NAV2: variants seen among roughly 807,000 people sequenced by gnomAD.
The protein encoded by NAV2 is helicase, APC down-regulated 1.
A neutral mutation model predicts 223.2 loss-of-function variants in NAV2; 54 were observed. That is an observed-to-expected ratio of 0.24 (90% CI 0.19 to 0.30). The LOEUF is 0.30. Among genes scored for constraint, NAV2 ranks in the 10% least tolerant of loss-of-function variants. The pLI is 1.00. For missense variants in NAV2, 2,806 were observed against 3,147.5 expected, an observed-to-expected ratio of 0.89 and a Z score of 2.60; for synonymous variants, 1,279 against 1,239.3, an observed-to-expected ratio of 1.03 and a Z score of -0.67.
intron 4 of NAV2, among the ~76,000 whole-genome samples, chr11:19,869,759 T>C (rs570091306): frequency 5.3e-4 from 81 of 152,328 alleles, no homozygotes; most frequent in African/African-American, 1.9e-3. Flanking sequence ...CTTCAGATGA[T>C]AGCACCTTTC....
intron 11 of NAV2, chr11:20,022,569 G>A (rs1867119): frequency 0.07 from 69,018 of 984,446 alleles, 2,670 homozygotes; most frequent in African/African-American, 0.11. Context: ...CTTTTCAATC[G>A]AATGCTTTGC....
At position 19,918,029 on chromosome 11, in the gene NAV2, C is replaced by T. The variant is rs987243663; in HGVS notation, c.932-15147C>T. ...TCTACCTTCTCCAGCTTTTTGATAT[C>T]AGGCCAATGACTCAACCTCTCTGAG... On this transcript the variant is annotated intron_variant, in intron 6 of 37. Transcript: ENST00000349880. Among the ~76,000 whole-genome samples the T allele has an allele frequency of 2.6e-5, 4 of 152,324 alleles. 1 individual carries two copies. In the South Asian group the frequency reaches 8.3e-4, roughly 32 times the overall value.
chr11:19,713,630 C>T lies in NAV2; in HGVS notation c.-66C>T. ...GGCGCCTGCTCTGCTACCCGCGCTG[C>T]CTTTAGCGGTCGCCCCCGCCGCCGC... On this transcript the variant is annotated 5_prime_UTR_variant, in exon 1 of 38. Coordinates refer to ENST00000349880, the MANE Select transcript of NAV2 (RefSeq NM_145117.5). This position sits in a 1 kb window ranked among gnomAD's most constrained non-coding sequence, Gnocchi z 7.2. The T allele has an allele frequency of 6.7e-7, 1 of 1,492,234 alleles. No homozygotes were observed. 92.4% of individuals were successfully genotyped at this position (1,492,234 alleles called of 1,614,324 possible). A position where few individuals can be genotyped will look rare whatever the true frequency, so the allele number is the denominator to read the frequency against.
intron 1 of NAV2, among the ~76,000 whole-genome samples, chr11:19,606,932 TTAACA>T (rs2046488153): frequency 6.6e-6 from 1 of 152,210 alleles, no homozygotes; most frequent in Admixed American, 6.5e-5. Context: ...AATCTGCATT[TTAACA>T]GGATCTCCAA....
intron 11 of NAV2, among the ~76,000 whole-genome samples, chr11:20,028,736 A>G (rs1476583918): frequency 6.6e-6 from 1 of 152,170 alleles, no homozygotes; most frequent in East Asian, 1.9e-4. Context: ...TAATATAAAT[A>G]ATGTGCCTAC....
At chr11:19,578,331 G>A (rs748111216) in intron 1 of NAV2, among the ~76,000 whole-genome samples, 4 of 152,252 alleles carry the variant, frequency 2.6e-5, no homozygotes, top group Non-Finnish European at 5.9e-5. Context: ...ATGAGCCAGT[G>A]ATTTGCTAGT....
chr11:19,698,275 T>A (rs1405413767), intron 1 of NAV2, among the ~76,000 whole-genome samples: 2 of 152,184 alleles, frequency 1.3e-5, no homozygotes, highest in Non-Finnish European at 2.9e-5. Flanking sequence ...CTTTGCAGCT[T>A]TGTTTTAAGC....
chr11:19,397,111 T>A (rs971801865), intron 1 of NAV2, among the ~76,000 whole-genome samples: 26 of 152,136 alleles, frequency 1.7e-4, no homozygotes, highest in African/African-American at 6.0e-4. Flanking sequence ...GTGGTTGGCA[T>A]GGCCGGGAGA....
chr11:19,985,670 G>A lies in NAV2; in HGVS notation c.2768+1423G>A, dbSNP rs568249850. On this transcript the variant is annotated intron_variant, in intron 11 of 37. Transcript: ENST00000349880. The stretch of plus-strand genomic sequence containing the variant: ...TGGCTTACTGCAACCTCCATCTCCC[G>A]GGTTCAAGCAATTCTCCTGCCTCAG... Among the ~76,000 whole-genome samples, 18 of 152,088 alleles carry A rather than the reference G, an allele frequency of 1.2e-4. 1 individual carries two copies. In the South Asian group the frequency reaches 2.1e-3, roughly 18 times the overall value.
intron 1 of NAV2, among the ~76,000 whole-genome samples, chr11:19,371,019 C>A (rs563332658): frequency 6.6e-6 from 1 of 152,292 alleles, no homozygotes; most frequent in South Asian, 2.1e-4. Context: ...ATTTTTCAGA[C>A]AGAGAAGCTA....
chr11:20,069,697 G>A (rs1367194200), intron 22 of NAV2, among the ~76,000 whole-genome samples: 2 of 152,180 alleles, frequency 1.3e-5, no homozygotes, highest in East Asian at 1.9e-4. Flanking sequence ...GTTGATAAAC[G>A]TGTTCAAGCC....
chr11:19,919,305 C>T (rs1337184344), intron 6 of NAV2, among the ~76,000 whole-genome samples: 2 of 150,910 alleles, frequency 1.3e-5, no homozygotes, highest in African/African-American at 2.4e-5. Flanking sequence ...TAGCCATGCA[C>T]GTGGGTGAGA....
At position 19,428,054 on chromosome 11, in the gene NAV2, A is replaced by C. The variant is rs191170054; in HGVS notation, c.75+77027A>C. On this transcript the variant is annotated intron_variant, in intron 1 of 37. Coordinates refer to the NAV2 transcript ENST00000360655. ...GGATTCTGGGTCCAAATTAGAAAGA[A>C]CTTCTTTACCCTGAGGTTGTAAAAG... is the stretch of plus-strand genomic sequence containing the variant. Among the ~76,000 whole-genome samples, 197 of 151,832 alleles carry C rather than the reference A, an allele frequency of 1.3e-3. 1 individual carries two copies. The highest frequency in any genetic ancestry group is 4.4e-3 in the African/African-American group (183 of 41,344).
At chr11:19,612,194 A>T (rs189360389) in intron 1 of NAV2, among the ~76,000 whole-genome samples, 1 of 152,306 alleles carries the variant, frequency 6.6e-6, no homozygotes, top group Non-Finnish European at 1.5e-5. Flanking sequence ...TAGGCTGCAC[A>T]CAGCACAGGA....
chr11:19,730,720 C>G (rs551148252), intron 1 of NAV2, among the ~76,000 whole-genome samples: 4 of 152,298 alleles, frequency 2.6e-5, no homozygotes, highest in East Asian at 1.9e-4. Flanking sequence ...CACTGCTCCC[C>G]CTTCCTGAGC....
At position 19,713,644 on chromosome 11, in the gene NAV2, C is replaced by T. The variant is rs2050024108; in HGVS notation, c.-52C>T. On this transcript the variant is annotated 5_prime_UTR_variant, in exon 1 of 38. Coordinates refer to ENST00000349880, the MANE Select transcript of NAV2 (RefSeq NM_145117.5). This position sits in a 1 kb window ranked among gnomAD's most constrained non-coding sequence, Gnocchi z 7.2. ...TACCCGCGCTGCCTTTAGCGGTCGC[C>T]CCCGCCGCCGCTGCCAGGGACGTGC... 5 of 1,496,670 alleles carry T rather than the reference C, an allele frequency of 3.3e-6. No individual in the cohort carries two copies. The East Asian group carries it at 1.2e-4, about 35-fold the overall frequency. 92.7% of individuals were successfully genotyped at this position (1,496,670 alleles called of 1,614,324 possible). A position where few individuals can be genotyped will look rare whatever the true frequency, so the allele number is the denominator to read the frequency against.
At chr11:19,716,698 A>G (rs2050342197) in intron 1 of NAV2, among the ~76,000 whole-genome samples, 1 of 152,190 alleles carries the variant, frequency 6.6e-6, no homozygotes, top group Non-Finnish European at 1.5e-5. Context: ...CTCTTTACAT[A>G]TAATCTCATT....
At chr11:20,072,478 A>G (rs9667815) in intron 22 of NAV2, among the ~76,000 whole-genome samples, 51,826 of 152,048 alleles carry the variant, frequency 0.34, 9,945 homozygotes, top group African/African-American at 0.52. Flanking sequence ...GAAGAAAGTC[A>G]TTGGTAGCTT....
chr11:19,969,399 T>G (rs1483473087), intron 10 of NAV2, among the ~76,000 whole-genome samples: 1 of 152,194 alleles, frequency 6.6e-6, no homozygotes, highest in Non-Finnish European at 1.5e-5. Flanking sequence ...TGTCTACTAT[T>G]GATAGTATTT....
Sources: allele counts gnomAD v4.1 joint callset (sites outside exome capture counted in the v4.1 genomes callset), GRCh38; gene constraint gnomAD v4.1.1; non-coding constraint Gnocchi (gnomAD v3.1); transcripts MANE v1.5; gene names NCBI Gene and HGNC (gene_info 2026-07-23, HGNC 2026-07-21).